DNAH6: variants seen among roughly 807,000 people sequenced by gnomAD.
The protein encoded by DNAH6 is axonemal beta dynein heavy chain 6.
In DNAH6, 340 loss-of-function variants were observed where a neutral mutation model predicts 491.4. The observed-to-expected ratio is 0.69, with a 90% confidence interval of 0.63 to 0.76. The LOEUF is 0.76. Ranked by LOEUF, DNAH6 falls within the 30% of genes least tolerant of loss-of-function variation. The pLI, the probability that DNAH6 is intolerant of heterozygous loss-of-function variation, is 0.00. For missense variants in DNAH6, 4,443 were observed against 4,972.2 expected, an observed-to-expected ratio of 0.89 and a Z score of 3.20; for synonymous variants, 1,603 against 1,686.1, an observed-to-expected ratio of 0.95 and a Z score of 1.21.
the DNAH6 span, among the ~76,000 whole-genome samples, chr2:84,481,910 C>G: frequency 1.3e-4 from 20 of 152,174 alleles, no homozygotes; most frequent in African/African-American, 4.6e-4. Flanking sequence ...ATCCACCATC[C>G]TCCCTTGTTT....
intron 63 of DNAH6, among the ~76,000 whole-genome samples, chr2:84,746,686 T>C (rs990637003): frequency 2.0e-5 from 3 of 152,178 alleles, no homozygotes; most frequent in African/African-American, 7.2e-5. Context: ...GATTTTCTGC[T>C]ATCTGTGTAT....
chr2:84,480,680 T>C, the DNAH6 span, among the ~76,000 whole-genome samples: 6 of 152,192 alleles, frequency 3.9e-5, no homozygotes, highest in Non-Finnish European at 5.9e-5. Context: ...AAAGAAGTCA[T>C]GGCCAGGTGC....
intron 48 of DNAH6, among the ~76,000 whole-genome samples, chr2:84,700,253 A>G (rs1227271344): frequency 6.6e-6 from 1 of 152,214 alleles, no homozygotes; most frequent in Non-Finnish European, 1.5e-5. Context: ...GCAAGAAGGG[A>G]TAAGAATGAG....
At position 84,519,805 on chromosome 2, in the gene DNAH6, A is replaced by G. The variant is rs577752657; in HGVS notation, c.225+1754A>G. Among the ~76,000 whole-genome samples, 8 of 151,780 alleles carry G rather than the reference A, an allele frequency of 5.3e-5. No individual in the cohort carries two copies. The South Asian group carries it at 1.0e-3, about 20-fold the overall frequency. ...ATCTAACATTGATGACATCTAGTATATGTCTTTTCTTGCCTTTGTCCATGC... is the reference window on the plus strand; with the variant it reads ...ATCTAACATTGATGACATCTAGTATGTGTCTTTTCTTGCCTTTGTCCATGC... On this transcript the variant is annotated intron_variant, in intron 2 of 76. Transcript: ENST00000389394.
At chr2:84,762,474 A>G (rs1464690693) in intron 63 of DNAH6, among the ~76,000 whole-genome samples, 1 of 152,208 alleles carries the variant, frequency 6.6e-6, no homozygotes, top group Admixed American at 6.5e-5. Flanking sequence ...AGAAGAAGCA[A>G]GGAAGGGGAG....
At chr2:84,465,059 A>C in the DNAH6 span, among the ~76,000 whole-genome samples, 4 of 152,178 alleles carry the variant, frequency 2.6e-5, no homozygotes, top group South Asian at 8.3e-4. Context: ...TGAGGCAATG[A>C]TATTCCTGCC....
In DNAH6 at chr2:84,642,001, T is replaced by C. The variant is rs1558840658; in HGVS notation, c.5025T>C (p.Ala1675=). The C allele has an allele frequency of 1.3e-6, 2 of 1,551,044 alleles. No homozygotes were observed. Among genetic ancestry groups the C allele is most frequent in the Non-Finnish European group, 1.7e-6 (2 of 1,146,584 alleles). The part of the protein sequence containing the change: ...DLNEDVVLIR[A]LQDSNLPKFL... ...ATGAAGATGTGGTGTTGATAAGAGC[T>C]TTACAAGACTCCAATTTGCCAAAAT... Residue 1675 remains alanine (A), a synonymous_variant, in exon 33 of 77, where the codon GCT becomes GCC. Coordinates refer to ENST00000389394, the MANE Select transcript of DNAH6 (RefSeq NM_001370.2).
intron 11 of DNAH6, among the ~76,000 whole-genome samples, chr2:84,570,384 T>TGCCCCAATCAGCACTCTGTAAAAAC (rs1681662713): frequency 5.3e-5 from 8 of 152,118 alleles, no homozygotes; most frequent in African/African-American, 1.9e-4. Context: ...GGATTGTAAA[T>TGCCCCAATCAGCACTCTGTAAAAAC]GCCCCAATCA....
chr2:84,733,573 C>G lies in DNAH6; in HGVS notation c.10336C>G (p.Arg3446Gly). 1 of 1,551,140 alleles carries G rather than the reference C, an allele frequency of 6.4e-7. No individual in the cohort carries two copies. Among genetic ancestry groups the G allele is most frequent in the Non-Finnish European group, 8.7e-7 (1 of 1,146,686 alleles). The change falls in exon 62 of 77, where the codon CGC (arginine) becomes GGC (glycine). Residue 3446 changes from arginine to glycine, a missense_variant. Physicochemically the swap from Arg to Gly is moderately radical, Grantham distance 125. Around this residue, in one of 3 missense-constraint regions of DNAH6, gnomAD observed 1,463 missense variants for 1,656.6 expected, o/e 0.88. Transcript: ENST00000389394. The part of the protein sequence containing the change: ...QNILSHPISI[R>G]LGSFETYINP... Reference sequence around the variant, plus strand: ...TATATTGTCACATCCTATTTCCATACGCTTAGGTAATGTGACAAAAAGAAC... The same window carrying G: ...TATATTGTCACATCCTATTTCCATAGGCTTAGGTAATGTGACAAAAAGAAC...
Position 84,637,448 on chromosome 2 carries a change from G to A in DNAH6, c.4821+71G>A, listed in dbSNP as rs7561454. On this transcript the variant is annotated intron_variant, in intron 31 of 76. Coordinates refer to ENST00000389394, the MANE Select transcript of DNAH6 (RefSeq NM_001370.2). ...TTATTTACCATTCGATTCTATCAAG[G>A]TAGAAAGTTTCCTTTATGAATGCCC... The A allele has an allele frequency of 1.8e-3, 2,629 of 1,431,170 alleles. 36 individuals are homozygous for A. In the African/African-American group the frequency reaches 0.034, roughly 19 times the overall value. The allele number at this position is 1,431,170 out of a possible 1,614,324, so 88.7% of individuals were successfully genotyped here.
chr2:84,574,413 G>A (rs1573067971), intron 12 of DNAH6, among the ~76,000 whole-genome samples: 1 of 152,046 alleles, frequency 6.6e-6, no homozygotes, highest in Non-Finnish European at 1.5e-5. Context: ...CACCGAAATA[G>A]CAATTCCTTA....
At chr2:84,807,621 G>A (rs1397040380) in intron 71 of DNAH6, among the ~76,000 whole-genome samples, 3 of 152,136 alleles carry the variant, frequency 2.0e-5, no homozygotes, top group Non-Finnish European at 4.4e-5. Flanking sequence ...TGGTAGAGGG[G>A]GAGACTTAGG....
At position 84,781,620 on chromosome 2, in the gene DNAH6, A is replaced by G. The variant is rs375931090; in HGVS notation, c.10831A>G (p.Met3611Val). 1.1e-5 allele frequency: 17 copies of G among 1,551,978 alleles called. No individual in the cohort carries two copies. The highest frequency in any genetic ancestry group is 1.4e-5 in the Non-Finnish European group (16 of 1,146,974). Reference protein sequence around the residue: ...CHLAVSWMLAMEELIKTFTDP... With the variant: ...CHLAVSWMLAVEELIKTFTDP... ...TCTTGCTGTTTCTTGGATGTTGGCAATGGAAGAGCTCATTAAAACCTTCAC... is the reference window on the plus strand; with the variant it reads ...TCTTGCTGTTTCTTGGATGTTGGCAGTGGAAGAGCTCATTAAAACCTTCAC... The change falls in exon 65 of 77, where the codon ATG becomes GTG. Residue 3611 changes from methionine to valine, a missense_variant. Transcript: ENST00000389394.
intron 45 of DNAH6, among the ~76,000 whole-genome samples, chr2:84,692,159 G>A (rs1212312313): frequency 2.0e-5 from 3 of 152,154 alleles, no homozygotes; most frequent in Non-Finnish European, 2.9e-5. Context: ...GTAACTAACT[G>A]TTACAGTCTC....
intron 14 of DNAH6, among the ~76,000 whole-genome samples, chr2:84,580,479 G>T (rs1483940080): frequency 6.6e-6 from 1 of 151,918 alleles, no homozygotes; most frequent in African/African-American, 2.4e-5. Flanking sequence ...TATTATGTTG[G>T]CATTTAAAAT....
chr2:84,593,581 G>C (rs1287075992), intron 16 of DNAH6, among the ~76,000 whole-genome samples: 1 of 152,030 alleles, frequency 6.6e-6, no homozygotes, highest in Non-Finnish European at 1.5e-5. Flanking sequence ...TCCCTCTTCT[G>C]CCCTTTAAGT....
rs753860018 is a variant in DNAH6 at position 84,722,642 on chromosome 2, TAAA to T, written c.9812_9814del (p.Lys3271del). On this transcript the variant is annotated inframe_deletion, in exon 60 of 77. Transcript: ENST00000389394. ...TTATTCAGATCACTTCTGGTGCCAT[TAAA>T]ACCAGGCTGGAAGAAGCAGAGTCCA... The T allele has an allele frequency of 1.4e-5, 22 of 1,549,356 alleles. No homozygotes were observed. Among genetic ancestry groups the T allele is most frequent in the Non-Finnish European group, 2.6e-6 (3 of 1,146,340 alleles).
At chr2:84,470,506 C>G in the DNAH6 span, among the ~76,000 whole-genome samples, 1 of 152,142 alleles carries the variant, frequency 6.6e-6, no homozygotes, top group Non-Finnish European at 1.5e-5. Flanking sequence ...GGGTAATGTC[C>G]TGACATCACC....
chr2:84,624,725 A>G (rs181150509), intron 28 of DNAH6, 105 bp downstream of exon 28: 3 of 1,343,072 alleles, frequency 2.2e-6, no homozygotes, highest in East Asian at 5.0e-5. Flanking sequence ...TTTATTATGA[A>G]TACATCTTTG....
Sources: allele counts gnomAD v4.1 joint callset (sites outside exome capture counted in the v4.1 genomes callset), GRCh38; gene constraint gnomAD v4.1.1; regional missense constraint gnomAD v4.1.1; transcripts MANE v1.5; gene names NCBI Gene and HGNC (gene_info 2026-07-23, HGNC 2026-07-21).